CFI: variants seen among roughly 807,000 people sequenced by gnomAD.
The protein encoded by CFI is complement factor I, also known as C3B/C4B inactivator.
CFI carries 66 observed loss-of-function variants against 78.8 expected under a neutral mutation model. The observed-to-expected ratio is 0.84, with a 90% CI of 0.69 to 1.03. CFI has a LOEUF of 1.03. CFI is among the 50% of genes least tolerant of loss of function. The probability of loss-of-function intolerance (pLI) is 0.00; values close to 1 mark genes in which losing one functional copy is unlikely to be tolerated. For synonymous variants in CFI, 250 were observed against 232.6 expected, an observed-to-expected ratio of 1.07 and a Z score of -0.68; for missense variants, 706 against 704.5, an observed-to-expected ratio of 1.00 and a Z score of -0.02.
At chr4:109,732,200 ACT>A in the CFI span, among the ~76,000 whole-genome samples, 1 of 152,040 alleles carries the variant, frequency 6.6e-6, no homozygotes, top group East Asian at 1.9e-4. Flanking sequence ...TACAGCCTAT[ACT>A]CTGAGGAATC....
intron 1 of CFI, among the ~76,000 whole-genome samples, chr4:109,795,970 G>A (rs1433607677): frequency 2.0e-5 from 3 of 152,144 alleles, no homozygotes; most frequent in African/African-American, 7.2e-5. Context: ...CTCAAATCTA[G>A]GGAAGGAAAT....
At chr4:109,756,721 G>C (rs1726198848) in intron 7 of CFI, among the ~76,000 whole-genome samples, 1 of 151,460 alleles carries the variant, frequency 6.6e-6, no homozygotes, top group Non-Finnish European at 1.5e-5. Flanking sequence ...TTAGCCAGGT[G>C]TGGTGGCACG....
Position 109,746,638 on chromosome 4 carries a change from G to A in CFI, c.1149-136C>T, listed in dbSNP as rs923006712. 3.6e-5 allele frequency: 25 copies of A among 701,412 alleles called. No individual in the cohort carries two copies. In the Middle Eastern group the frequency reaches 1.2e-3, roughly 33 times the overall value. 43.4% of individuals were successfully genotyped at this position (701,412 alleles called of 1,614,324 possible). On this transcript the variant is annotated intron_variant, in intron 10 of 12. Transcript: ENST00000394634. ...GAATTTTGTAAATGCTTGCTGTCAT[G>A]AAGCAATGAGATTAAATTTACTTAG...
intron 7 of CFI, among the ~76,000 whole-genome samples, chr4:109,755,649 T>C (rs1036395158): frequency 6.6e-6 from 1 of 152,130 alleles, no homozygotes; most frequent in Non-Finnish European, 1.5e-5. Context: ...CCATGGGTGA[T>C]GGAGCAAGAA....
At chr4:109,742,390 G>T (rs1454709945) in intron 12 of CFI, 101 bp downstream of exon 12, 24 of 794,264 alleles carry the variant, frequency 3.0e-5, no homozygotes, top group African/African-American at 1.7e-5. Context: ...CAAATGGAGG[G>T]AATTAGGGCC....
At chr4:109,783,345 C>T (rs369597578) in intron 1 of CFI, among the ~76,000 whole-genome samples, 1 of 151,786 alleles carries the variant, frequency 6.6e-6, no homozygotes, top group Admixed American at 6.6e-5. Context: ...AAAACAATCC[C>T]ATCAAAAAAT....
chr4:109,735,337 A>T, the CFI span, among the ~76,000 whole-genome samples: 723 of 152,318 alleles, frequency 4.7e-3, 26 homozygotes, highest in South Asian at 0.054. Context: ...TAGAAACACC[A>T]AATGGTTTCT....
rs577981681 is a variant in CFI, at chr4:109,788,965, G to A, written c.57+12950C>T. Among the ~76,000 whole-genome samples, 49 of 151,810 alleles carry A rather than the reference G, an allele frequency of 3.2e-4. No homozygotes were observed. The Middle Eastern group carries it at 0.014, about 42-fold the overall frequency. On this transcript the variant is annotated intron_variant, in intron 1 of 12. Transcript: ENST00000394634. ...AACAGGTGTTAACATTACTAGGCAA[G>A]GAGATTTAAAAAGTTATTTTAACTG... is the stretch of plus-strand genomic sequence containing the variant.
In CFI at chr4:109,742,508, T is replaced by G; in HGVS notation, c.1517A>C (p.Lys506Thr). Residue 506 changes from lysine to threonine, a missense_variant, in exon 12 of 13, where the codon AAA becomes ACA. By Grantham distance (78) the Lys-to-Thr change is moderately conservative. Coordinates refer to ENST00000394634, the MANE Select transcript of CFI (RefSeq NM_000204.5). Reference sequence around the variant, plus strand: ...GCACTTACCTGCACATTCCATTTCTTTTTCATAGAAACGATTTCCGTAAAA... The same window carrying G: ...GCACTTACCTGCACATTCCATTTCTGTTTCATAGAAACGATTTCCGTAAAA... ...SKFYGNRFYE[K>T]EMECAGTYDG... The G allele has an allele frequency of 6.2e-7, 1 of 1,612,204 alleles. No individual in the cohort carries two copies. The highest frequency in any genetic ancestry group is 1.1e-5 in the South Asian group (1 of 91,054).
intron 1 of CFI, among the ~76,000 whole-genome samples, chr4:109,767,686 A>T (rs1257692462): frequency 6.7e-6 from 1 of 149,872 alleles, no homozygotes; most frequent in Non-Finnish European, 1.5e-5. Flanking sequence ...TGTTGGTGGG[A>T]CTGTAAACTA....
chr4:109,783,834 T>TATA (rs57344652), intron 1 of CFI, among the ~76,000 whole-genome samples: 10 of 139,766 alleles, frequency 7.2e-5, no homozygotes, highest in South Asian at 4.4e-4. Context: ...TATATATATA[T>TATA]GATGGAATAC....
At chr4:109,756,872 G>A (rs1041921367) in intron 7 of CFI, among the ~76,000 whole-genome samples, 2 of 126,740 alleles carry the variant, frequency 1.6e-5, no homozygotes, top group Non-Finnish European at 3.2e-5. Context: ...ACTCCGTCTC[G>A]AAAGAAAGAA....
At chr4:109,756,927 AAGAAAGAAAGAAAG>A (rs1561297735) in intron 7 of CFI, among the ~76,000 whole-genome samples, 1 of 148,270 alleles carries the variant, frequency 6.7e-6, no homozygotes, top group Non-Finnish European at 1.5e-5. Context: ...GAAAGAAAGA[AAGAAAGAAAGAAAG>A]AAAGAAAGAA....
At chr4:109,757,668 C>A in intron 7 of CFI, 95 bp downstream of exon 7, 1 of 806,230 alleles carries the variant, frequency 1.2e-6, no homozygotes, top group Non-Finnish European at 2.0e-6. Flanking sequence ...GTGGTCATAT[C>A]ATGCTCCATT....
At chr4:109,764,442 CAT>C in intron 3 of CFI, 93 bp downstream of exon 3, 1 of 1,354,070 alleles carries the variant, frequency 7.4e-7, no homozygotes, top group South Asian at 1.2e-5. Flanking sequence ...TTAGGTTACA[CAT>C]ATGGAAATTA....
At chr4:109,796,055 A>G (rs1732014942) in intron 1 of CFI, among the ~76,000 whole-genome samples, 1 of 152,246 alleles carries the variant, frequency 6.6e-6, no homozygotes, top group African/African-American at 2.4e-5. Flanking sequence ...GAGACACATT[A>G]TAATCAAATT....
At chr4:109,749,169 C>A in intron 10 of CFI, 49 bp downstream of exon 10, 2 of 1,458,570 alleles carry the variant, frequency 1.4e-6, no homozygotes, top group South Asian at 2.3e-5. Flanking sequence ...CTCTATTACT[C>A]ACTTTCATTG....
At chr4:109,736,034 G>A (rs1056571467), downstream of CFI, among the ~76,000 whole-genome samples, 10 of 152,290 alleles carry the variant, frequency 6.6e-5, no homozygotes, top group Middle Eastern at 3.4e-3. Context: ...TCACTATGGC[G>A]TCCAGGTGGC....
chr4:109,797,240 T>C (rs545629626), intron 1 of CFI, among the ~76,000 whole-genome samples: 7 of 152,314 alleles, frequency 4.6e-5, no homozygotes, highest in East Asian at 1.9e-4. Flanking sequence ...TATAGATTCA[T>C]GGAACAAAGT....
Sources: allele counts gnomAD v4.1 joint callset (sites outside exome capture counted in the v4.1 genomes callset), GRCh38; gene constraint gnomAD v4.1.1; transcripts MANE v1.5; gene names NCBI Gene and HGNC (gene_info 2026-07-23, HGNC 2026-07-21).